Variants in STEAP2 observed in about 807,000 individuals in gnomAD.
STEAP2 encodes the protein STEAP2 metalloreductase.
Under a neutral mutation model 46.4 loss-of-function variants are expected in STEAP2, and 30 were observed. The observed-to-expected ratio is 0.65, with a 90% confidence interval of 0.48 to 0.88. The LOEUF (loss-of-function observed/expected upper bound fraction) is 0.88. Among genes scored for constraint, STEAP2 ranks in the 40% least tolerant of loss-of-function variants. The probability of loss-of-function intolerance (pLI) is 0.00; values close to 1 mark genes in which losing one functional copy is unlikely to be tolerated. For synonymous variants in STEAP2, 180 were observed against 200.5 expected, an observed-to-expected ratio of 0.90 and a Z score of 0.86; for missense variants, 513 against 579.3, an observed-to-expected ratio of 0.89 and a Z score of 1.18.
At position 90,236,401 on chromosome 7, in the gene STEAP2, A is replaced by G. The variant is rs1795961403; in HGVS notation, c.*3777A>G. The G allele has an allele frequency of 3.0e-6, 3 of 984,816 alleles. No individual in the cohort carries two copies. Among genetic ancestry groups the G allele is most frequent in the African/African-American group, 1.7e-5 (1 of 57,240 alleles). 61.0% of individuals were successfully genotyped at this position (984,816 alleles called of 1,614,324 possible). On this transcript the variant is annotated 3_prime_UTR_variant, in exon 6 of 6. Transcript: ENST00000394621. ...TTTTGTAAATCCATGACTTAAAACA[A>G]GATACATACATAGTATAACACACCT...
intron 3 of STEAP2, 133 bp downstream of exon 3, chr7:90,225,707 T>G: frequency 9.9e-7 from 1 of 1,012,120 alleles, no homozygotes; most frequent in South Asian, 1.8e-5. Context: ...TATGAGCACC[T>G]GAAGATTAAT....
downstream of STEAP2, among the ~76,000 whole-genome samples, chr7:90,241,443 A>T (rs182692261): frequency 6.7e-4 from 102 of 152,338 alleles, 1 homozygote; most frequent in African/African-American, 2.4e-3. Context: ...TCAAAATAAA[A>T]AGTAATTTAT....
At chr7:90,241,048 AC>A (rs1434938418), downstream of STEAP2, among the ~76,000 whole-genome samples, 2 of 152,206 alleles carry the variant, frequency 1.3e-5, no homozygotes, top group Admixed American at 6.5e-5. Flanking sequence ...AGAAAAGTAA[AC>A]CCACTATTAT....
intron 4 of STEAP2, among the ~76,000 whole-genome samples, chr7:90,229,589 C>A (rs1269696547): frequency 6.6e-6 from 1 of 152,086 alleles, no homozygotes; most frequent in Non-Finnish European, 1.5e-5. Context: ...GTGTTGGATT[C>A]CAGAGTCCCT....
At position 90,235,048 on chromosome 7, in the gene STEAP2, AC is replaced by A; in HGVS notation, c.*2425del. 1.1e-6 allele frequency: 1 copy of A among 951,888 alleles called. No individual in the cohort carries two copies. Among genetic ancestry groups the A allele is most frequent in the South Asian group, 4.8e-5 (1 of 20,628 alleles). The allele number at this position is 951,888 out of a possible 1,614,324, so 59.0% of individuals were successfully genotyped here. A position where few individuals can be genotyped will look rare whatever the true frequency, so the allele number is the denominator to read the frequency against. On this transcript the variant is annotated 3_prime_UTR_variant, in exon 6 of 6. Transcript: ENST00000394621. ...AATATTTTCTTATTCCTTAAATTCC[AC>A]TCTTTTAACACTATGCTTAACCACT... is the stretch of plus-strand genomic sequence containing the variant.
Position 90,232,609 on chromosome 7 carries a change from G to T in STEAP2, c.1458G>T (p.Arg486Ser). Residue 486 changes from arginine to serine, a missense_variant, in exon 6 of 6, where the codon AGG becomes AGT. Physicochemically the swap from Arg to Ser is moderately radical, Grantham distance 110 (BLOSUM62 -1). Transcript: ENST00000394621. Reference sequence around the variant, plus strand: ...CAATTCCTCATGTCTCCCCGGAGAGGGTCACAGTAATGTGATGACAAATGG... The same window carrying T: ...CAATTCCTCATGTCTCCCCGGAGAGTGTCACAGTAATGTGATGACAAATGG... The part of the protein sequence containing the change: ...GGTIPHVSPE[R>S]VTVM 2 of 1,610,760 alleles carry T rather than the reference G, an allele frequency of 1.2e-6. No homozygotes were observed. The highest frequency in any genetic ancestry group is 8.5e-7 in the Non-Finnish European group (1 of 1,178,210).
downstream of STEAP2, among the ~76,000 whole-genome samples, chr7:90,240,976 T>C (rs1796052313): frequency 6.6e-6 from 1 of 152,166 alleles, no homozygotes. This position sits in a 1 kb window ranked among gnomAD's most constrained non-coding sequence, Gnocchi z 4.1. Context: ...TAAAATTAAG[T>C]CAACATACCA....
downstream of STEAP2, among the ~76,000 whole-genome samples, chr7:90,242,803 A>G (rs1796078926): frequency 6.6e-6 from 1 of 152,242 alleles, no homozygotes; most frequent in African/African-American, 2.4e-5. Flanking sequence ...GCTAGGCAGC[A>G]GAGTGGTGCA....
rs1795933695 is a variant in STEAP2, at chr7:90,235,500, G to A, written c.*2876G>A. 1 of 985,114 alleles carries A rather than the reference G, an allele frequency of 1.0e-6. No individual in the cohort carries two copies. Among genetic ancestry groups the A allele is most frequent in the African/African-American group, 1.7e-5 (1 of 57,186 alleles). The allele number at this position is 985,114 out of a possible 1,614,324, so 61.0% of individuals were successfully genotyped here. On this transcript the variant is annotated 3_prime_UTR_variant, in exon 6 of 6. Coordinates refer to ENST00000394621, the MANE Select transcript of STEAP2 (RefSeq NM_001244944.2). ...TGAATTCTACTATTGCTAGGTGTGAGAAAGTGGTGGTGAGAACCTTAGAGC... is the reference window on the plus strand; with the variant it reads ...TGAATTCTACTATTGCTAGGTGTGAAAAAGTGGTGGTGAGAACCTTAGAGC...
At position 90,229,928 on chromosome 7, in the gene STEAP2, G is replaced by A. The variant is rs775716930; in HGVS notation, c.1077G>A (p.Met359Ile). ...WNEEEVWRIEMYISFGIMSLG... is the reference protein window; with the variant it reads ...WNEEEVWRIEIYISFGIMSLG... ...AGGAAGAAGTTTGGAGAATTGAAATGTATATCTCCTTTGGCATAATGAGCC... is the reference window on the plus strand; with the variant it reads ...AGGAAGAAGTTTGGAGAATTGAAATATATATCTCCTTTGGCATAATGAGCC... The change falls in exon 5 of 6, where the codon ATG becomes ATA. Residue 359 changes from methionine to isoleucine, a missense_variant. Physicochemically the swap from Met to Ile is conservative, Grantham distance 10. Coordinates refer to ENST00000394621, the MANE Select transcript of STEAP2 (RefSeq NM_001244944.2). The A allele has an allele frequency of 1.9e-5, 31 of 1,613,410 alleles. No individual in the cohort carries two copies. In the African/African-American group the frequency reaches 2.3e-4, roughly 12 times the overall value.
At chr7:90,238,125 A>G (rs1796013471), downstream of STEAP2, 3 of 706,504 alleles carry the variant, frequency 4.2e-6, no homozygotes, top group Non-Finnish European at 7.9e-6. Flanking sequence ...TGTTGTCCTA[A>G]AGAGTTTCTG....
intron 2 of STEAP2, among the ~76,000 whole-genome samples, chr7:90,217,704 C>CAAAAAAAAAAAAAAAAAAAAAA: frequency 1.0e-5 from 1 of 99,114 alleles, no homozygotes; most frequent in Non-Finnish European, 2.0e-5. Flanking sequence ...GAATAGTGCG[C>CAAAAAAAAAAAAAAAAAAAAAA]AAAAAAAAAA....
intron 2 of STEAP2, among the ~76,000 whole-genome samples, chr7:90,222,160 A>T (rs568118101): frequency 6.6e-6 from 1 of 152,186 alleles, no homozygotes; most frequent in South Asian, 2.1e-4. Flanking sequence ...CCTGATTCCC[A>T]GCATAGCTAG....
intron 4 of STEAP2, among the ~76,000 whole-genome samples, chr7:90,229,671 T>A (rs1795653141): frequency 6.6e-6 from 1 of 152,184 alleles, no homozygotes; most frequent in Non-Finnish European, 1.5e-5. Flanking sequence ...TTTGTCCTCC[T>A]TTTGTTTAAT....
At position 90,216,477 on chromosome 7, in the gene STEAP2, A is replaced by T. The variant is rs1224535821; in HGVS notation, c.-146-14A>T. 6.6e-6 allele frequency: 1 copy of T among 152,214 alleles called. No homozygotes were observed. Among genetic ancestry groups the T allele is most frequent in the Non-Finnish European group, 1.5e-5 (1 of 68,030 alleles). The allele number at this position is 152,214 out of a possible 1,614,324, so 9.4% of individuals were successfully genotyped here. ...GGAGTGACGCATTTTAAGGAATGGC[A>T]TTGCCTTTCCCAGAAAGTGAAGAGA... On this transcript the variant is annotated splice_polypyrimidine_tract_variant and intron_variant, in intron 1 of 5. Transcript: ENST00000394621.
In STEAP2 at chr7:90,236,325, A is replaced by G; in HGVS notation, c.*3701A>G. The G allele has an allele frequency of 1.0e-6, 1 of 980,812 alleles. No homozygotes were observed. The highest frequency in any genetic ancestry group is 1.2e-6 in the Non-Finnish European group (1 of 825,756). 60.8% of individuals were successfully genotyped at this position (980,812 alleles called of 1,614,324 possible). On this transcript the variant is annotated 3_prime_UTR_variant, in exon 6 of 6. Coordinates refer to ENST00000394621, the MANE Select transcript of STEAP2 (RefSeq NM_001244944.2). ...GAACTAATTATTCCTGTGTCAGTCT[A>G]TGAAATCCCTGTTTTGAAATACGTA... is the stretch of plus-strand genomic sequence containing the variant.
At position 90,234,820 on chromosome 7, in the gene STEAP2, G is replaced by A; in HGVS notation, c.*2196G>A. On this transcript the variant is annotated 3_prime_UTR_variant, in exon 6 of 6. Coordinates refer to ENST00000394621, the MANE Select transcript of STEAP2 (RefSeq NM_001244944.2). ...CGCCCGCCTTGGCCTCCAAAGTGCT[G>A]GGATTACAGGTGTGAGCTACCGCGC... 2.1e-6 allele frequency: 2 copies of A among 964,484 alleles called. No homozygotes were observed. The highest frequency in any genetic ancestry group is 2.5e-6 in the Non-Finnish European group (2 of 811,104). 59.7% of individuals were successfully genotyped at this position (964,484 alleles called of 1,614,324 possible).
chr7:90,231,244 AT>A (rs1247021321), intron 5 of STEAP2, among the ~76,000 whole-genome samples: 33 of 151,952 alleles, frequency 2.2e-4, no homozygotes, highest in African/African-American at 7.5e-4. Context: ...CTATATTTTA[AT>A]TGTTGTTTAT....
rs998203996 is a variant in STEAP2 at position 90,234,322 on chromosome 7, T to C, written c.*1698T>C. ...ATTTCCTTATTAAAATAGAAAATTATAGGCAAGATACAATTATATGCGTTC... is the reference window on the plus strand; with the variant it reads ...ATTTCCTTATTAAAATAGAAAATTACAGGCAAGATACAATTATATGCGTTC... On this transcript the variant is annotated 3_prime_UTR_variant, in exon 6 of 6. Transcript: ENST00000394621. 9 of 985,078 alleles carry C rather than the reference T, an allele frequency of 9.1e-6. No homozygotes were observed. Among genetic ancestry groups the C allele is most frequent in the Admixed American group, 6.1e-5 (1 of 16,264 alleles). The allele number at this position is 985,078 out of a possible 1,614,324, so 61.0% of individuals were successfully genotyped here. A position where few individuals can be genotyped will look rare whatever the true frequency, so the allele number is the denominator to read the frequency against.
Sources: allele counts gnomAD v4.1 joint callset (sites outside exome capture counted in the v4.1 genomes callset), GRCh38; gene constraint gnomAD v4.1.1; non-coding constraint Gnocchi (gnomAD v3.1); transcripts MANE v1.5; gene names NCBI Gene and HGNC (gene_info 2026-07-23, HGNC 2026-07-21).